OSBPL6: variants seen among roughly 807,000 people sequenced by gnomAD.
OSBPL6 encodes oxysterol-binding protein-related protein 6.
Under a neutral mutation model 125.8 loss-of-function variants are expected in OSBPL6, and 49 were observed. That is an observed-to-expected ratio of 0.39 (90% CI 0.31 to 0.49). OSBPL6 has a LOEUF of 0.49. OSBPL6 is among the 20% of genes least tolerant of loss of function. The pLI, the probability that OSBPL6 is intolerant of heterozygous loss-of-function variation, is 0.88. For missense variants in OSBPL6, 986 were observed against 1,135.4 expected (o/e 0.87, Z 1.89); for synonymous variants, 394 against 391.8 (o/e 1.01, Z -0.07).
chr2:178,197,391 G>A (rs1360154739), intron 1 of OSBPL6, among the ~76,000 whole-genome samples: 5 of 152,132 alleles, frequency 3.3e-5, no homozygotes, highest in Non-Finnish European at 7.4e-5. Flanking sequence ...ACACACACAT[G>A]GATGTTTGTT....
chr2:178,202,335 C>G (rs960187706), intron 1 of OSBPL6, among the ~76,000 whole-genome samples: 2 of 152,076 alleles, frequency 1.3e-5, no homozygotes, highest in African/African-American at 4.8e-5. Flanking sequence ...TTTTTCACTT[C>G]TGTGTGTCTG....
intron 12 of OSBPL6, among the ~76,000 whole-genome samples, chr2:178,359,655 G>A (rs969672524): frequency 1.3e-5 from 2 of 152,160 alleles, no homozygotes; most frequent in African/African-American, 4.8e-5. Context: ...AACCACCCAG[G>A]TATCTGTCAG....
At chr2:178,381,675 A>G (rs377588742) in intron 15 of OSBPL6, among the ~76,000 whole-genome samples, 1 of 152,180 alleles carries the variant, frequency 6.6e-6, no homozygotes, top group South Asian at 2.1e-4. Flanking sequence ...TTTCTTACCC[A>G]GATCTACACA....
chr2:178,237,368 T>C (rs1333844395), intron 1 of OSBPL6, among the ~76,000 whole-genome samples: 1 of 152,136 alleles, frequency 6.6e-6, no homozygotes, highest in African/African-American at 2.4e-5. Flanking sequence ...TTTGTTTTTG[T>C]CTCAAATTCT....
At chr2:178,199,880 A>C (rs1270829996) in intron 1 of OSBPL6, among the ~76,000 whole-genome samples, 1 of 152,204 alleles carries the variant, frequency 6.6e-6, no homozygotes, top group African/African-American at 2.4e-5. Flanking sequence ...TTTCCCTTTA[A>C]ACTTTGAAGG....
At chr2:178,373,140 T>A (rs1693556974) in intron 14 of OSBPL6, among the ~76,000 whole-genome samples, 1 of 152,212 alleles carries the variant, frequency 6.6e-6, no homozygotes, top group Non-Finnish European at 1.5e-5. Context: ...TGTCTTTGAC[T>A]TAAGTTTTCC....
chr2:178,356,194 C>CTG, intron 12 of OSBPL6, among the ~76,000 whole-genome samples: 1 of 152,224 alleles, frequency 6.6e-6, no homozygotes, highest in Admixed American at 6.5e-5. Flanking sequence ...CAGATGCCAT[C>CTG]TGTCACCACT....
At position 178,324,214 on chromosome 2, in the gene OSBPL6, C is replaced by A; in HGVS notation, c.140C>A (p.Thr47Asn). The A allele has an allele frequency of 6.3e-7, 1 of 1,583,378 alleles. No individual in the cohort carries two copies. The highest frequency in any genetic ancestry group is 8.6e-7 in the Non-Finnish European group (1 of 1,159,070). Residue 47 changes from threonine to asparagine, a missense_variant, in exon 4 of 25, where the codon ACC (threonine) becomes AAC (asparagine). This residue lies in a region of OSBPL6 where 130 missense variants were observed against 106.4 expected (regional missense o/e 1.22). Transcript: ENST00000190611. ...CTGGAGAGGACTGCTTCCTCTAGCA[C>A]CGAGCCCTCTGTAAGTCGGCAATTG... is the stretch of plus-strand genomic sequence containing the variant. ...HILERTASSS[T>N]EPSVSRQLLE...
intron 12 of OSBPL6, among the ~76,000 whole-genome samples, chr2:178,351,108 G>A (rs937209805): frequency 6.6e-6 from 1 of 152,012 alleles, no homozygotes; most frequent in Non-Finnish European, 1.5e-5. Flanking sequence ...TTATAATAAA[G>A]GTCCTTTATT....
At position 178,194,645 on chromosome 2, in the gene OSBPL6, G is replaced by A. The variant is rs1412725096; in HGVS notation, c.-380G>A. 1 of 153,166 alleles carries A rather than the reference G, an allele frequency of 6.5e-6. No homozygotes were observed. Among genetic ancestry groups the A allele is most frequent in the Non-Finnish European group, 1.5e-5 (1 of 68,918 alleles). 9.5% of individuals were successfully genotyped at this position (153,166 alleles called of 1,614,324 possible). Reference sequence around the variant, plus strand: ...CCGTCGCAGCCGCGCAGCCGCCGCAGAGTCCGCGGCGCCACCGCTCGCCCT... The same window carrying A: ...CCGTCGCAGCCGCGCAGCCGCCGCAAAGTCCGCGGCGCCACCGCTCGCCCT... On this transcript the variant is annotated 5_prime_UTR_variant, in exon 1 of 25. Coordinates refer to ENST00000190611, the MANE Select transcript of OSBPL6 (RefSeq NM_032523.4).
chr2:178,329,594 T>A (rs541237404), intron 5 of OSBPL6, among the ~76,000 whole-genome samples: 6 of 152,044 alleles, frequency 3.9e-5, no homozygotes, highest in Admixed American at 3.3e-4. Flanking sequence ...AATTTTTTTT[T>A]ATTTTTATTT....
chr2:178,376,731 TG>T (rs1693908020), intron 15 of OSBPL6, among the ~76,000 whole-genome samples: 1 of 152,208 alleles, frequency 6.6e-6, no homozygotes, highest in African/African-American at 2.4e-5. Flanking sequence ...ACCTGTCTTC[TG>T]GAGCCTTCCA....
intron 18 of OSBPL6, among the ~76,000 whole-genome samples, chr2:178,384,539 G>C (rs901074304): frequency 6.6e-6 from 1 of 152,192 alleles, no homozygotes; most frequent in African/African-American, 2.4e-5. Flanking sequence ...GATAAGAAAG[G>C]TTGCATTCTT....
intron 3 of OSBPL6, among the ~76,000 whole-genome samples, chr2:178,322,649 G>GT (rs201431427): frequency 6.6e-6 from 1 of 152,026 alleles, no homozygotes; most frequent in Non-Finnish European, 1.5e-5. Flanking sequence ...TTTGAATGAA[G>GT]TTTTTTGTTG....
chr2:178,276,371 GTT>G (rs71023438), intron 1 of OSBPL6, among the ~76,000 whole-genome samples: 1,536 of 122,714 alleles, frequency 0.013, 9 homozygotes, highest in African/African-American at 0.044. Context: ...ATTCTAAATG[GTT>G]TTTTTTTTTT....
chr2:178,273,975 C>T (rs1483951180), intron 1 of OSBPL6, among the ~76,000 whole-genome samples: 1 of 152,134 alleles, frequency 6.6e-6, no homozygotes, highest in Non-Finnish European at 1.5e-5. Flanking sequence ...TCATTGAGCT[C>T]CTTTATCTTT....
At chr2:178,214,439 C>A (rs981910358) in intron 1 of OSBPL6, among the ~76,000 whole-genome samples, 2 of 152,138 alleles carry the variant, frequency 1.3e-5, no homozygotes, top group African/African-American at 4.8e-5. Flanking sequence ...TTTGTGGGGG[C>A]TGGCTAGGCA....
In OSBPL6 at chr2:178,235,398, CTTTTTTTTTTTTTTTT is replaced by C. The variant is rs540269327; in HGVS notation, c.-351+40735_-351+40750del. Among the ~76,000 whole-genome samples, 8 of 78,024 alleles carry C rather than the reference CTTTTTTTTTTTTTTTT, an allele frequency of 1.0e-4. No homozygotes were observed. In the East Asian group the frequency reaches 3.2e-3, roughly 32 times the overall value. 51.2% of individuals were successfully genotyped at this position (78,024 alleles called of 152,430 possible). On this transcript the variant is annotated intron_variant, in intron 1 of 24. Coordinates refer to ENST00000190611, the MANE Select transcript of OSBPL6 (RefSeq NM_032523.4). Reference sequence around the variant, plus strand: ...CTTTCTTTCCTTTTTCTTTTCTTTTCTTTTTTTTTTTTTTTTTTTTTTTTTTGAGACAAAGTCTCGC... The same window carrying C: ...CTTTCTTTCCTTTTTCTTTTCTTTTCTTTTTTTTTTGAGACAAAGTCTCGC...
intron 2 of OSBPL6, among the ~76,000 whole-genome samples, chr2:178,299,760 C>G (rs1236474450): frequency 4.6e-5 from 7 of 152,192 alleles, no homozygotes. Context: ...ATACAAAATT[C>G]AGATGTAGAG....
Sources: allele counts gnomAD v4.1 joint callset (sites outside exome capture counted in the v4.1 genomes callset), GRCh38; gene constraint gnomAD v4.1.1; regional missense constraint gnomAD v4.1.1; transcripts MANE v1.5; gene names NCBI Gene and HGNC (gene_info 2026-07-23, HGNC 2026-07-21).